Variants in ABCC9 observed in about 807,000 individuals in gnomAD.
The protein encoded by ABCC9 is ATP binding cassette subfamily C member 9.
In ABCC9, 95 loss-of-function variants were observed where a neutral mutation model predicts 188.3. That is an observed-to-expected ratio of 0.50 (90% CI 0.43 to 0.60). ABCC9 has a LOEUF of 0.60. Ranked by LOEUF, ABCC9 falls within the 20% of genes least tolerant of loss-of-function variation. The pLI, the probability that ABCC9 is intolerant of heterozygous loss-of-function variation, is 0.00. For synonymous variants in ABCC9, 659 were observed against 652.7 expected (o/e 1.01, Z -0.15); for missense variants, 1,102 against 1,876.3 (o/e 0.59, Z 7.62).
At chr12:21,818,644 C>CTT (rs77782399) in intron 31 of ABCC9, among the ~76,000 whole-genome samples, 2 of 107,350 alleles carry the variant, frequency 1.9e-5, no homozygotes, top group Admixed American at 9.4e-5. Context: ...GTAGGGTTTA[C>CTT]TTTTTTTTTT....
intron 11 of ABCC9, among the ~76,000 whole-genome samples, chr12:21,907,004 CTAAT>C (rs1948076938): frequency 6.6e-6 from 1 of 152,036 alleles, no homozygotes; most frequent in Non-Finnish European, 1.5e-5. Context: ...TAATATATGA[CTAAT>C]TAACTATCAA....
chr12:21,826,148 G>A (rs1321519830), intron 31 of ABCC9, among the ~76,000 whole-genome samples: 2 of 152,054 alleles, frequency 1.3e-5, no homozygotes, highest in Non-Finnish European at 2.9e-5. Flanking sequence ...AAGAATATTT[G>A]CTAGAAGCAG....
At position 21,825,689 on chromosome 12, in the gene ABCC9, T is replaced by A. The variant is rs368133337; in HGVS notation, c.3669+3269A>T. Among the ~76,000 whole-genome samples, 8 of 152,206 alleles carry A rather than the reference T, an allele frequency of 5.3e-5. No individual in the cohort carries two copies. The East Asian group carries it at 9.6e-4, about 18-fold the overall frequency. The stretch of plus-strand genomic sequence containing the variant: ...GGATAGCATTAGGAGAAATACCCAA[T>A]GTGGATCACGGGTTGATGGGTGCAG... On this transcript the variant is annotated intron_variant, in intron 31 of 39. Coordinates refer to ENST00000261200, the MANE Select transcript of ABCC9 (RefSeq NM_020297.4).
At chr12:21,925,290 T>A in intron 5 of ABCC9, 1 of 496,086 alleles carries the variant, frequency 2.0e-6, no homozygotes, top group East Asian at 3.1e-5. Context: ...AAGGCAAAAA[T>A]AAAATTAGGA....
intron 25 of ABCC9, among the ~76,000 whole-genome samples, chr12:21,847,595 T>C (rs980279375): frequency 6.6e-5 from 10 of 152,166 alleles, no homozygotes; most frequent in African/African-American, 2.4e-4. Context: ...CAAAGCAGTG[T>C]AATTATTTCA....
intron 24 of ABCC9, among the ~76,000 whole-genome samples, chr12:21,850,584 C>G (rs150771943): frequency 6.6e-6 from 1 of 152,276 alleles, no homozygotes. Context: ...CTCAAGTGAT[C>G]ACTTCATTTC....
intron 16 of ABCC9, among the ~76,000 whole-genome samples, chr12:21,880,892 G>A (rs1372611634): frequency 6.6e-6 from 1 of 151,944 alleles, no homozygotes; most frequent in African/African-American, 2.4e-5. Context: ...ATACCCAACA[G>A]ACCATCAAAA....
Position 21,845,844 on chromosome 12 carries a change from A to G in ABCC9, c.2867-12T>C, listed in dbSNP as rs1385034796. The G allele has an allele frequency of 1.9e-6, 3 of 1,609,958 alleles. No individual in the cohort carries two copies. The highest frequency in any genetic ancestry group is 2.5e-6 in the Non-Finnish European group (3 of 1,178,558). On this transcript the variant is annotated splice_polypyrimidine_tract_variant and intron_variant, in intron 25 of 39. Transcript: ENST00000261200. ...CTCCTCTTCTTCCTCTACATACAAA[A>G]AACTTTTGTTTAAGCTTCAGATGGG...
chr12:21,864,811 C>T (rs548921259), intron 18 of ABCC9, among the ~76,000 whole-genome samples: 67 of 152,180 alleles, frequency 4.4e-4, no homozygotes, highest in African/African-American at 1.5e-3. Flanking sequence ...TACAGTTTCC[C>T]GTTTCATAAG....
intron 13 of ABCC9, 91 bp from the exon 14 acceptor site, chr12:21,894,265 GC>G (rs1358307232): frequency 4.4e-6 from 6 of 1,369,946 alleles, no homozygotes; most frequent in Non-Finnish European, 6.2e-6. Context: ...ATTCTGCTAT[GC>G]CAGTATGTCC....
intron 8 of ABCC9, among the ~76,000 whole-genome samples, chr12:21,912,332 A>T (rs1203561295): frequency 6.6e-6 from 1 of 152,044 alleles, no homozygotes. Flanking sequence ...TATGATCATA[A>T]ACACGCAGTA....
At chr12:21,858,987 A>T (rs1424311415) in intron 22 of ABCC9, among the ~76,000 whole-genome samples, 3 of 152,200 alleles carry the variant, frequency 2.0e-5, no homozygotes, top group Admixed American at 1.3e-4. Flanking sequence ...ATAACCGTCA[A>T]ATTTTATTTC....
chr12:21,847,634 T>G (rs989065808), intron 25 of ABCC9, among the ~76,000 whole-genome samples: 3 of 152,100 alleles, frequency 2.0e-5, no homozygotes, highest in African/African-American at 7.2e-5. Context: ...CAGTCAATCT[T>G]TTTTTCCCAG....
intron 33 of ABCC9, among the ~76,000 whole-genome samples, chr12:21,816,594 A>G (rs553547822): frequency 9.8e-5 from 15 of 152,304 alleles, no homozygotes; most frequent in African/African-American, 3.4e-4. Context: ...GTGTGGCCAG[A>G]GTAAAAGTGG....
In ABCC9 at chr12:21,800,892, C is replaced by G; in HGVS notation, c.*152G>C. On this transcript the variant is annotated 3_prime_UTR_variant, in exon 40 of 40. Coordinates refer to ENST00000261200, the MANE Select transcript of ABCC9 (RefSeq NM_020297.4). ...TATTAAGCAATAATATCTTGAAAAA[C>G]TGTTTTAAAAACAGGAAAAATAAAT... is the stretch of plus-strand genomic sequence containing the variant. 1 of 862,744 alleles carries G rather than the reference C, an allele frequency of 1.2e-6. No individual in the cohort carries two copies. Among genetic ancestry groups the G allele is most frequent in the East Asian group, 2.7e-5 (1 of 37,408 alleles). The allele number at this position is 862,744 out of a possible 1,614,324, so 53.4% of individuals were successfully genotyped here.
rs1219927717 is a variant in ABCC9 at position 21,811,108 on chromosome 12, C to T, written c.4211+941G>A. ...GATTAGATCACTGGGGCAGTTTCCCCCATGCTGTTCTCATGATAGAGAGTG... is the reference window on the plus strand; with the variant it reads ...GATTAGATCACTGGGGCAGTTTCCCTCATGCTGTTCTCATGATAGAGAGTG... On this transcript the variant is annotated intron_variant, in intron 36 of 39. Coordinates refer to ENST00000261200, the MANE Select transcript of ABCC9 (RefSeq NM_020297.4). Among the ~76,000 whole-genome samples, 5 of 152,078 alleles carry T rather than the reference C, an allele frequency of 3.3e-5. No homozygotes were observed. In the East Asian group the frequency reaches 9.7e-4, roughly 29 times the overall value.
Position 21,831,716 on chromosome 12 carries a change from G to T in ABCC9, c.3567-2656C>A, listed in dbSNP as rs115649474. Among the ~76,000 whole-genome samples, 1,093 of 152,266 alleles carry T rather than the reference G, an allele frequency of 7.2e-3. 12 individuals carry two copies. Among genetic ancestry groups the T allele is most frequent in the African/African-American group, 0.025 (1,056 of 41,530 alleles). ...AAGCAGAATGTTTTTGGTGAACAAG[G>T]CATTCTACGCAGCAGGAACAATATG... On this transcript the variant is annotated intron_variant, in intron 30 of 39. Transcript: ENST00000261200.
chr12:21,835,467 C>T (rs1944021471), intron 30 of ABCC9, among the ~76,000 whole-genome samples: 1 of 152,096 alleles, frequency 6.6e-6, no homozygotes, highest in African/African-American at 2.4e-5. Flanking sequence ...TCAGAGAAGG[C>T]TTACCACAGT....
At chr12:21,883,298 G>A (rs1277240826) in intron 15 of ABCC9, among the ~76,000 whole-genome samples, 1 of 152,196 alleles carries the variant, frequency 6.6e-6, no homozygotes, top group Non-Finnish European at 1.5e-5. Context: ...GACCTAGTGG[G>A]AGGTAATTGA....
Sources: gnomAD v4.1 joint callset for allele counts (sites outside exome capture counted in the v4.1 genomes callset) on GRCh38, gnomAD v4.1.1 for gene constraint, MANE v1.5 for transcripts, NCBI Gene and HGNC (gene_info 2026-07-23, HGNC 2026-07-21) for gene names.